The following N4BP2 variants were observed in gnomAD, a reference collection of about 807,000 sequenced individuals.
The protein encoded by N4BP2 is NEDD4-binding protein 2.
A neutral mutation model predicts 152.8 loss-of-function variants in N4BP2; 91 were observed. The observed-to-expected ratio is 0.60, with a 90% CI of 0.50 to 0.71. The LOEUF is 0.71. Among genes scored for constraint, N4BP2 ranks in the 30% least tolerant of loss-of-function variants. The pLI, the probability that N4BP2 is intolerant of heterozygous loss-of-function variation, is 0.00. For synonymous variants in N4BP2, 646 were observed against 705.3 expected, an observed-to-expected ratio of 0.92 and a Z score of 1.33; for missense variants, 1,923 against 2,059.1, an observed-to-expected ratio of 0.93 and a Z score of 1.28.
chr4:40,073,317 C>G (rs1712396747), intron 1 of N4BP2, 138 bp from the exon 2 acceptor site: 1 of 152,014 alleles, frequency 6.6e-6, no homozygotes, highest in Non-Finnish European at 1.5e-5. Context: ...TGCAGTCTTT[C>G]TTGTCTTTTC....
intron 14 of N4BP2, among the ~76,000 whole-genome samples, chr4:40,141,012 A>G (rs1285078145): frequency 6.6e-6 from 1 of 151,414 alleles, no homozygotes; most frequent in Non-Finnish European, 1.5e-5. Flanking sequence ...CACGGCAACC[A>G]TCCGATTTCT....
At chr4:40,160,615 C>T (rs373618991), downstream of N4BP2, among the ~76,000 whole-genome samples, 13 of 152,212 alleles carry the variant, frequency 8.5e-5, no homozygotes, top group East Asian at 7.7e-4. Context: ...GAGTTTATTA[C>T]ATAAGTGACC....
At chr4:40,111,262 G>T (rs809913) in intron 5 of N4BP2, among the ~76,000 whole-genome samples, 61,557 of 151,874 alleles carry the variant, frequency 0.41, 12,655 homozygotes, top group South Asian at 0.55. Context: ...CTAAACTCAA[G>T]ACTATAGTTT....
intron 2 of N4BP2, among the ~76,000 whole-genome samples, chr4:40,094,644 C>T (rs1391658493): frequency 6.6e-6 from 1 of 152,022 alleles, no homozygotes; most frequent in African/African-American, 2.4e-5. Context: ...CAACCTCTGC[C>T]TCATGGGTTC....
intron 4 of N4BP2, 90 bp from the exon 5 acceptor site, chr4:40,106,810 A>T: frequency 7.9e-7 from 1 of 1,268,800 alleles, no homozygotes; most frequent in South Asian, 1.4e-5. Flanking sequence ...ATAGTACTTG[A>T]ATAATTTATT....
chr4:40,134,927 TTCTTTTTTA>T (rs1258500485), intron 13 of N4BP2, among the ~76,000 whole-genome samples: 3 of 135,340 alleles, frequency 2.2e-5, no homozygotes, highest in Non-Finnish European at 4.8e-5. Context: ...CTCTCTTTCT[TTCTTTTTTA>T]TTTTATTTTA....
the N4BP2 span, among the ~76,000 whole-genome samples, chr4:40,165,478 G>A: frequency 1.3e-5 from 2 of 152,042 alleles, no homozygotes; most frequent in African/African-American, 4.8e-5. Flanking sequence ...TGAACTCCTG[G>A]CCTCAAGTGA....
At chr4:40,071,606 G>T (rs903874147) in intron 1 of N4BP2, among the ~76,000 whole-genome samples, 3 of 151,972 alleles carry the variant, frequency 2.0e-5, no homozygotes, top group Non-Finnish European at 2.9e-5. Context: ...TGCTCTTGTT[G>T]CCCAGGCTGG....
rs1221377265 is a variant in N4BP2, at chr4:40,157,295, T to C, written c.*3058T>C. On this transcript the variant is annotated 3_prime_UTR_variant, in exon 18 of 18. Coordinates refer to ENST00000261435, the MANE Select transcript of N4BP2 (RefSeq NM_018177.6). ...TCAATTGGTTAGTATTTCCATACTATTTGCAACTTTATGGCCTTTAAATAT... is the reference window on the plus strand; with the variant it reads ...TCAATTGGTTAGTATTTCCATACTACTTGCAACTTTATGGCCTTTAAATAT... The C allele has an allele frequency of 6.6e-6, 1 of 152,118 alleles. No homozygotes were observed. Among genetic ancestry groups the C allele is most frequent in the Non-Finnish European group, 1.5e-5 (1 of 67,978 alleles). 9.4% of individuals were successfully genotyped at this position (152,118 alleles called of 1,614,324 possible).
At chr4:40,098,162 A>G (rs567628844) in intron 3 of N4BP2, among the ~76,000 whole-genome samples, 1 of 152,362 alleles carries the variant, frequency 6.6e-6, no homozygotes, top group South Asian at 2.1e-4. Flanking sequence ...ATATCTATTA[A>G]GCAACTAGGT....
At chr4:40,084,540 A>T (rs1267711831) in intron 2 of N4BP2, among the ~76,000 whole-genome samples, 1 of 149,976 alleles carries the variant, frequency 6.7e-6, no homozygotes, top group Non-Finnish European at 1.5e-5. Context: ...GGTTCAAGCA[A>T]TCCTCCCGGC....
intron 16 of N4BP2, among the ~76,000 whole-genome samples, chr4:40,145,916 A>G (rs1452991937): frequency 1.3e-5 from 2 of 152,102 alleles, no homozygotes; most frequent in Non-Finnish European, 2.9e-5. Context: ...TAATCCCAGC[A>G]CTTCGGAGGC....
rs1018198311 is a variant in N4BP2 at position 40,120,064 on chromosome 4, A to G, written c.1953A>G (p.Ala651=). 8 of 1,611,110 alleles carry G rather than the reference A, an allele frequency of 5.0e-6. No homozygotes were observed. Among genetic ancestry groups the G allele is most frequent in the Middle Eastern group, 1.6e-4 (1 of 6,070 alleles). ...AAACAATGTTACCTGAGAATGTTGC[A>G]TATCTCTCTAATGCAGATTTAAACA... ...TKETMLPENV[A]YLSNADLNKR... Residue 651 remains alanine (A), a synonymous_variant, in exon 9 of 18, where the codon GCA becomes GCG. Coordinates refer to ENST00000261435, the MANE Select transcript of N4BP2 (RefSeq NM_018177.6).
intron 6 of N4BP2, 134 bp downstream of exon 6, chr4:40,112,306 G>T: frequency 1.8e-6 from 1 of 563,536 alleles, no homozygotes; most frequent in Admixed American, 3.4e-5. Flanking sequence ...TTTCATTGGT[G>T]TTCAGCAAAA....
chr4:40,153,371 T>C (rs1410917307), intron 17 of N4BP2, among the ~76,000 whole-genome samples: 2 of 152,214 alleles, frequency 1.3e-5, no homozygotes, highest in Non-Finnish European at 2.9e-5. Context: ...TCTATTGAAA[T>C]ATAGTTATAA....
the N4BP2 span, among the ~76,000 whole-genome samples, chr4:40,176,856 A>G: frequency 6.6e-6 from 1 of 152,146 alleles, no homozygotes; most frequent in Non-Finnish European, 1.5e-5. Flanking sequence ...AGAACCTGGG[A>G]TTCAAACTGC....
intron 7 of N4BP2, among the ~76,000 whole-genome samples, chr4:40,114,984 T>C (rs1717217192): frequency 1.3e-5 from 2 of 152,206 alleles, no homozygotes; most frequent in South Asian, 4.1e-4. Flanking sequence ...TTTTTCTTTG[T>C]TATTCTCATC....
intron 16 of N4BP2, among the ~76,000 whole-genome samples, chr4:40,148,934 A>C (rs898682712): frequency 6.6e-6 from 1 of 152,204 alleles, no homozygotes; most frequent in Non-Finnish European, 1.5e-5. Flanking sequence ...CTAAGAAAAA[A>C]AAAATTGAAA....
chr4:40,106,958 A>G lies in N4BP2; in HGVS notation c.1432A>G (p.Ile478Val), dbSNP rs754030229. Residue 478 changes from isoleucine (I) to valine (V), a missense_variant, in exon 5 of 18, where the codon ATA becomes GTA. Ile to Val is a conservative substitution (Grantham distance 29). Coordinates refer to ENST00000261435, the MANE Select transcript of N4BP2 (RefSeq NM_018177.6). ...TCTTAGTACTGATGATTATTTTTAT[A>G]TAAATGGACAGTACCAGTTTGATGT... ...VILSTDDYFY[I>V]NGQYQFDVKY... 5.0e-6 allele frequency: 8 copies of G among 1,612,834 alleles called. No homozygotes were observed. The highest frequency in any genetic ancestry group is 1.1e-5 in the South Asian group (1 of 91,026).
Sources: allele counts gnomAD v4.1 joint callset (sites outside exome capture counted in the v4.1 genomes callset), GRCh38; gene constraint gnomAD v4.1.1; transcripts MANE v1.5; gene names NCBI Gene and HGNC (gene_info 2026-07-23, HGNC 2026-07-21).